Variants in GRM7 observed in about 807,000 individuals in gnomAD.
The protein encoded by GRM7 is glutamate metabotropic receptor 7.
Under a neutral mutation model 84.5 loss-of-function variants are expected in GRM7, and 35 were observed. The observed-to-expected ratio is 0.41, with a 90% CI of 0.32 to 0.55. The LOEUF is 0.55. Ranked by LOEUF, GRM7 falls within the 20% of genes least tolerant of loss-of-function variation. The pLI is 0.19. For missense variants in GRM7, 1,003 were observed against 1,194.6 expected (o/e 0.84, Z 2.36); for synonymous variants, 487 against 455.1 (o/e 1.07, Z -0.89).
At chr3:6,868,977 C>T (rs1695026871) in intron 1 of GRM7, among the ~76,000 whole-genome samples, 1 of 152,044 alleles carries the variant, frequency 6.6e-6, no homozygotes, top group Non-Finnish European at 1.5e-5. Context: ...AAGAAAGTCA[C>T]TTAAAGGGCT....
At chr3:7,570,290 A>G (rs1694582389) in intron 7 of GRM7, among the ~76,000 whole-genome samples, 2 of 152,180 alleles carry the variant, frequency 1.3e-5, no homozygotes, top group Non-Finnish European at 2.9e-5. Flanking sequence ...GCATTAACTC[A>G]AAAGTCCACA....
chr3:7,672,164 A>G (rs1289081211), intron 8 of GRM7, among the ~76,000 whole-genome samples: 1 of 151,952 alleles, frequency 6.6e-6, no homozygotes, highest in African/African-American at 2.4e-5. Context: ...TTTAGCAAAA[A>G]CCCTCAGAGT....
chr3:7,565,438 A>T (rs1246702525), intron 7 of GRM7, among the ~76,000 whole-genome samples: 3 of 152,196 alleles, frequency 2.0e-5, no homozygotes, highest in Non-Finnish European at 2.9e-5. Flanking sequence ...TGCTGTGAAG[A>T]GGTATCTTTA....
intron 2 of GRM7, among the ~76,000 whole-genome samples, chr3:7,279,327 G>A (rs921943842): frequency 1.3e-5 from 2 of 151,956 alleles, no homozygotes; most frequent in African/African-American, 2.4e-5. Flanking sequence ...ATCTCCTCTC[G>A]CTTCATCCAT....
intron 7 of GRM7, among the ~76,000 whole-genome samples, chr3:7,500,322 G>C (rs537973265): frequency 1.8e-4 from 28 of 152,276 alleles, no homozygotes; most frequent in African/African-American, 6.5e-4. Flanking sequence ...ATTTTTGTTT[G>C]AGATGTATTA....
At chr3:7,675,262 CT>C in intron 8 of GRM7, among the ~76,000 whole-genome samples, 1 of 152,252 alleles carries the variant, frequency 6.6e-6, no homozygotes, top group South Asian at 2.1e-4. Flanking sequence ...TTGAACAGTA[CT>C]GAGAATATTC....
intron 3 of GRM7, among the ~76,000 whole-genome samples, chr3:7,299,989 T>A (rs1269083134): frequency 1.3e-5 from 2 of 151,210 alleles, no homozygotes; most frequent in Non-Finnish European, 2.9e-5. Flanking sequence ...AATATACTTT[T>A]TATATATATT....
rs1476466504 is a variant in GRM7, at chr3:7,428,152, G to A, written c.1174+12989G>A. On this transcript the variant is annotated intron_variant, in intron 5 of 9. Transcript: ENST00000357716. ...GGAGCTTATACCATTGTTTCTAAAA[G>A]GAGCTCATTACTCTAGGCTTTGTGC... 2.0e-5 allele frequency among the ~76,000 whole-genome samples: 3 copies of A among 152,230 alleles called. No individual in the cohort carries two copies. The East Asian group carries it at 5.8e-4, about 29-fold the overall frequency.
intron 9 of GRM7, among the ~76,000 whole-genome samples, chr3:7,701,926 C>T (rs1701243575): frequency 6.6e-6 from 1 of 152,134 alleles, no homozygotes; most frequent in Non-Finnish European, 1.5e-5. Context: ...GGTAGATAGG[C>T]AATCCATTTT....
intron 1 of GRM7, among the ~76,000 whole-genome samples, chr3:7,039,790 C>T (rs996909643): frequency 2.0e-5 from 3 of 151,888 alleles, no homozygotes; most frequent in Admixed American, 6.6e-5. Context: ...CTATTATTGC[C>T]GATCGGTTTT....
intron 1 of GRM7, among the ~76,000 whole-genome samples, chr3:6,975,210 G>A (rs189860605): frequency 7.4e-4 from 113 of 152,174 alleles, no homozygotes; most frequent in East Asian, 5.8e-3. Flanking sequence ...ATTCCCAATC[G>A]GATAATGAGG....
rs117051172 is a variant in GRM7, at chr3:7,530,827, T to C, written c.1516-47595T>C. 7.2e-5 allele frequency among the ~76,000 whole-genome samples: 11 copies of C among 152,172 alleles called. No individual in the cohort carries two copies. The East Asian group carries it at 2.1e-3, about 29-fold the overall frequency. On this transcript the variant is annotated intron_variant, in intron 7 of 9. Coordinates refer to ENST00000357716, the MANE Select transcript of GRM7 (RefSeq NM_000844.4). ...TCCTGTAAATTTGTTTCTTTGTGGA[T>C]TCTGGATATTAGCCAGATGGATGTT... is the stretch of plus-strand genomic sequence containing the variant.
chr3:7,317,213 C>G (rs184191392), intron 4 of GRM7, among the ~76,000 whole-genome samples: 2 of 152,186 alleles, frequency 1.3e-5, no homozygotes, highest in Admixed American at 1.3e-4. Context: ...CAAAAACGAA[C>G]GTGGTGATGT....
At chr3:7,553,393 T>C (rs1693587901) in intron 7 of GRM7, among the ~76,000 whole-genome samples, 1 of 152,232 alleles carries the variant, frequency 6.6e-6, no homozygotes, top group African/African-American at 2.4e-5. Flanking sequence ...CCTCTGCCTG[T>C]TATCCAGTTC....
intron 2 of GRM7, among the ~76,000 whole-genome samples, chr3:7,230,014 C>T (rs1003951167): frequency 2.0e-5 from 3 of 150,044 alleles, no homozygotes; most frequent in Admixed American, 2.0e-4. Context: ...TAATTTTTTG[C>T]GTTTTTAGTA....
intron 7 of GRM7, among the ~76,000 whole-genome samples, chr3:7,471,942 G>A (rs578053215): frequency 6.6e-6 from 1 of 152,316 alleles, no homozygotes; most frequent in East Asian, 1.9e-4. Context: ...TTAATTCCCA[G>A]TGTGGTGGTG....
intron 9 of GRM7, among the ~76,000 whole-genome samples, chr3:7,708,335 G>C (rs1381012747): frequency 6.7e-6 from 1 of 149,460 alleles, no homozygotes; most frequent in Non-Finnish European, 1.5e-5. Context: ...TAATAGTATA[G>C]AAAAGCAAAC....
At chr3:6,953,112 A>T (rs779770517) in intron 1 of GRM7, among the ~76,000 whole-genome samples, 1 of 152,246 alleles carries the variant, frequency 6.6e-6, no homozygotes, top group Non-Finnish European at 1.5e-5. Context: ...GGAGTAGAAC[A>T]TGATGTTTCC....
chr3:6,886,254 C>T (rs1426606789), intron 1 of GRM7, among the ~76,000 whole-genome samples: 1 of 151,858 alleles, frequency 6.6e-6, no homozygotes. Context: ...AGTGTAGTCC[C>T]GCATGTTGTC....
Sources: gnomAD v4.1 joint callset for allele counts (sites outside exome capture counted in the v4.1 genomes callset) on GRCh38, gnomAD v4.1.1 for gene constraint, MANE v1.5 for transcripts, NCBI Gene and HGNC (gene_info 2026-07-23, HGNC 2026-07-21) for gene names.